MINK1: variants seen among roughly 807,000 people sequenced by gnomAD.
MINK1 encodes the protein misshapen like kinase 1, also known as misshapen-like kinase 1.
In MINK1, 46 loss-of-function variants were observed where a neutral mutation model predicts 178.4. That is an observed-to-expected ratio of 0.26 (90% confidence interval 0.20 to 0.33). MINK1 has a LOEUF of 0.33. Among genes scored for constraint, MINK1 ranks in the 10% least tolerant of loss-of-function variants. MINK1 has a pLI of 1.00. For missense variants in MINK1, 1,366 were observed against 1,814.9 expected, an observed-to-expected ratio of 0.75 and a Z score of 4.49; for synonymous variants, 797 against 709.7, an observed-to-expected ratio of 1.12 and a Z score of -1.96.
intron 1 of MINK1, among the ~76,000 whole-genome samples, chr17:4,864,680 G>A (rs35688119): frequency 7.8e-4 from 118 of 151,816 alleles, no homozygotes; most frequent in African/African-American, 2.7e-3. Flanking sequence ...AGCCGAGATC[G>A]CACCATTGAA....
Position 4,893,366 on chromosome 17 carries a change from C to T in MINK1, c.2401-68C>T, listed in dbSNP as rs1281881501. 3.4e-5 allele frequency: 54 copies of T among 1,610,534 alleles called. No individual in the cohort carries two copies. The South Asian group carries it at 3.6e-4, about 11-fold the overall frequency. On this transcript the variant is annotated intron_variant, in intron 20 of 31. Transcript: ENST00000355280. ...CTCCTGTCGCCCTGCTGGGGTGTCCCGGCACCCTTTGTCTACCTCCACCCA... is the reference window on the plus strand; with the variant it reads ...CTCCTGTCGCCCTGCTGGGGTGTCCTGGCACCCTTTGTCTACCTCCACCCA...
rs1567627045 is a variant in MINK1, at chr17:4,896,161, CCT to C, written c.3466-31_3466-30del. On this transcript the variant is annotated intron_variant, in intron 28 of 31. Coordinates refer to ENST00000355280, the MANE Select transcript of MINK1 (RefSeq NM_153827.5). This position sits in a 1 kb window ranked among gnomAD's most constrained non-coding sequence, Gnocchi z 4.6. ...GAGTCCCAGCGCCTCTCCCCGTGCCCCTGAGCCCTCCTCTCCTCCGGTTCTCT... is the reference window on the plus strand; with the variant it reads ...GAGTCCCAGCGCCTCTCCCCGTGCCCGAGCCCTCCTCTCCTCCGGTTCTCT... 2 of 1,602,354 alleles carry C rather than the reference CCT, an allele frequency of 1.2e-6. No individual in the cohort carries two copies. Among genetic ancestry groups the C allele is most frequent in the African/African-American group, 1.3e-5 (1 of 74,776 alleles).
chr17:4,872,772 A>G (rs547985582), intron 1 of MINK1, among the ~76,000 whole-genome samples: 30 of 152,292 alleles, frequency 2.0e-4, no homozygotes, highest in African/African-American at 7.2e-4. Context: ...TGTCTCAGAA[A>G]CAAAAGAAAA....
chr17:4,839,177 T>TCA (rs1567552533), intron 1 of MINK1, among the ~76,000 whole-genome samples: 14 of 152,182 alleles, frequency 9.2e-5, no homozygotes, highest in Non-Finnish European at 1.6e-4. Context: ...TCTCCTGACC[T>TCA]TGTAATCTGC....
At position 4,836,851 on chromosome 17, in the gene MINK1, C is replaced by A. The variant is rs942495537; in HGVS notation, c.57+3211C>A. Among the ~76,000 whole-genome samples, 1 of 152,066 alleles carries A rather than the reference C, an allele frequency of 6.6e-6. No individual in the cohort carries two copies. Among genetic ancestry groups the A allele is most frequent in the African/African-American group, 2.4e-5 (1 of 41,390 alleles). ...CCTTCCTCATAGTATTTATCACCAG[C>A]TGACATATATATTCCTGTCAGCCCC... On this transcript the variant is annotated intron_variant, in intron 1 of 31. Coordinates refer to ENST00000355280, the MANE Select transcript of MINK1 (RefSeq NM_153827.5). This position sits in a 1 kb window ranked among gnomAD's most constrained non-coding sequence, Gnocchi z 4.3.
In MINK1 at chr17:4,853,431, G is replaced by A. The variant is rs1912522665; in HGVS notation, c.57+19791G>A. ...TGGTTGGTGGAGTGTGGTTGAGGGG[G>A]AGTGTGGTTGGTGGGGGGAGTGTGG... On this transcript the variant is annotated intron_variant, in intron 1 of 31. Coordinates refer to ENST00000355280, the MANE Select transcript of MINK1 (RefSeq NM_153827.5). Among the ~76,000 whole-genome samples the A allele has an allele frequency of 2.5e-5, 3 of 120,532 alleles. No individual in the cohort carries two copies. The South Asian group carries it at 9.1e-4, about 37-fold the overall frequency. 79.1% of individuals were successfully genotyped at this position (120,532 alleles called of 152,430 possible).
At chr17:4,860,492 C>T (rs1913994269) in intron 1 of MINK1, among the ~76,000 whole-genome samples, 1 of 151,542 alleles carries the variant, frequency 6.6e-6, no homozygotes, top group South Asian at 2.1e-4. Flanking sequence ...AATAATCAAA[C>T]CCTTTGTTTC....
intron 1 of MINK1, among the ~76,000 whole-genome samples, chr17:4,853,527 T>C (rs975918213): frequency 2.0e-5 from 3 of 151,752 alleles, no homozygotes; most frequent in Non-Finnish European, 4.4e-5. Context: ...TATGCAAGTT[T>C]GAGCGCTTGC....
chr17:4,895,713 T>C lies in MINK1; in HGVS notation c.3245T>C (p.Leu1082Pro). ...CGTCCCTCAGGGAAAAGGAACAAAC[T>C]GCGGGTGTATTACCTGTCCTGGCTC... ...LITISGKRNK[L>P]RVYYLSWLRN... Residue 1082 changes from leucine to proline, a missense_variant, in exon 27 of 32, where the codon CTG becomes CCG. By Grantham distance (98) the Leu-to-Pro change is moderately conservative. Around this residue, in one of 14 missense-constraint regions of MINK1, gnomAD observed 77 missense variants for 119.5 expected, o/e 0.64. Coordinates refer to ENST00000355280, the MANE Select transcript of MINK1 (RefSeq NM_153827.5). The surrounding 1 kb of genome is among the most constrained non-coding windows in gnomAD (Gnocchi z 4.3). 6.2e-7 allele frequency: 1 copy of C among 1,613,520 alleles called. No homozygotes were observed. The highest frequency in any genetic ancestry group is 1.1e-5 in the South Asian group (1 of 91,016).
chr17:4,893,217 C>G (rs1179864089), intron 20 of MINK1, 150 bp downstream of exon 20: 2 of 1,515,358 alleles, frequency 1.3e-6, no homozygotes, highest in African/African-American at 4.1e-5. Context: ...GCTAACCTTT[C>G]CTAACCTCTC....
At chr17:4,871,177 T>C in intron 1 of MINK1, 1 of 210,240 alleles carries the variant, frequency 4.8e-6, no homozygotes. Flanking sequence ...TTTTGTTTGT[T>C]TTAATTTTTT....
intron 1 of MINK1, among the ~76,000 whole-genome samples, chr17:4,860,944 GA>G (rs1431809400): frequency 2.6e-5 from 4 of 152,202 alleles, no homozygotes; most frequent in Non-Finnish European, 5.9e-5. Flanking sequence ...AGCAGAGTCT[GA>G]GGGGACAGCT....
chr17:4,893,222 C>T (rs1969050620), intron 20 of MINK1, 155 bp downstream of exon 20: 10 of 1,520,642 alleles, frequency 6.6e-6, no homozygotes, highest in Admixed American at 1.8e-5. Flanking sequence ...CCTTTCCTAA[C>T]CTCTCTCCTA....
Position 4,885,138 on chromosome 17 carries a change from T to A in MINK1, c.508+136T>A, listed in dbSNP as rs2151012363. On this transcript the variant is annotated intron_variant, in intron 6 of 31. Transcript: ENST00000355280. This position sits in a 1 kb window ranked among gnomAD's most constrained non-coding sequence, Gnocchi z 5.0. The stretch of plus-strand genomic sequence containing the variant: ...GGCTCACTCCCTCCCCTTTCCCCTC[T>A]CCCCCTGGAATGCCCTGCCTCCTGC... The A allele has an allele frequency of 2.5e-6, 2 of 801,942 alleles. No homozygotes were observed. The highest frequency in any genetic ancestry group is 2.8e-4 in the Middle Eastern group (1 of 3,632). The allele number at this position is 801,942 out of a possible 1,614,324, so 49.7% of individuals were successfully genotyped here. A position where few individuals can be genotyped will look rare whatever the true frequency, so the allele number is the denominator to read the frequency against.
intron 1 of MINK1, among the ~76,000 whole-genome samples, chr17:4,835,745 C>T (rs976399171): frequency 1.3e-5 from 2 of 152,090 alleles, no homozygotes; most frequent in African/African-American, 4.8e-5. Context: ...TGGCCTGGAC[C>T]CTCAACCTGG....
At position 4,897,316 on chromosome 17, in the gene MINK1, C is replaced by A; in HGVS notation, c.*29C>A. On this transcript the variant is annotated 3_prime_UTR_variant, in exon 32 of 32. Transcript: ENST00000355280. ...GGCCCTGGGCTGGGGCTGTCCCACA[C>A]TGGACCCAGCTCTCCCCCTGCAGCC... 1.2e-6 allele frequency: 2 copies of A among 1,600,172 alleles called. No homozygotes were observed. Among genetic ancestry groups the A allele is most frequent in the Admixed American group, 1.7e-5 (1 of 59,748 alleles).
chr17:4,884,279 A>C (rs1968000878), intron 4 of MINK1, 84 bp from the exon 5 acceptor site: 1 of 1,037,810 alleles, frequency 9.6e-7, no homozygotes, highest in African/African-American at 1.6e-5. Context: ...ATCCTCCTCC[A>C]GGAGTCTAGC....
Position 4,887,820 on chromosome 17 carries a change from G to T in MINK1, c.1230+30G>T. The T allele has an allele frequency of 6.9e-7, 1 of 1,454,522 alleles. No individual in the cohort carries two copies. The allele number at this position is 1,454,522 out of a possible 1,614,324, so 90.1% of individuals were successfully genotyped here. ...GCTGTCTCCGAAGGGCCCAGGCCTG[G>T]CGCGGCCTCCTCCTGACCTGCCCCG... On this transcript the variant is annotated intron_variant, in intron 12 of 31. Coordinates refer to ENST00000355280, the MANE Select transcript of MINK1 (RefSeq NM_153827.5). This position sits in a 1 kb window ranked among gnomAD's most constrained non-coding sequence, Gnocchi z 7.6.
At chr17:4,884,504 C>G (rs1190042451) in intron 5 of MINK1, 31 bp downstream of exon 5, 1 of 1,494,786 alleles carries the variant, frequency 6.7e-7, no homozygotes, top group South Asian at 1.1e-5. Flanking sequence ...CTTGTCTTCT[C>G]CTCCGCTACC....
Sources: allele counts gnomAD v4.1 joint callset (sites outside exome capture counted in the v4.1 genomes callset), GRCh38; gene constraint gnomAD v4.1.1; regional missense constraint gnomAD v4.1.1; non-coding constraint Gnocchi (gnomAD v3.1); transcripts MANE v1.5; gene names NCBI Gene and HGNC (gene_info 2026-07-23, HGNC 2026-07-21).